ZFYVE16: variants seen among roughly 807,000 people sequenced by gnomAD.
The protein encoded by ZFYVE16 is zinc finger FYVE-type containing 16, also known as zinc finger FYVE domain-containing protein 16.
In ZFYVE16, 89 loss-of-function variants were observed where a neutral mutation model predicts 138.1. That is an observed-to-expected ratio of 0.64 (90% CI 0.54 to 0.77). The LOEUF is 0.77. ZFYVE16 is among the 30% of genes least tolerant of loss of function. The probability of loss-of-function intolerance (pLI) is 0.00; values close to 1 mark genes in which losing one functional copy is unlikely to be tolerated. For missense variants in ZFYVE16, 1,793 were observed against 1,786.7 expected (o/e 1.00, Z -0.06); for synonymous variants, 596 against 618.3 (o/e 0.96, Z 0.53).
intron 15 of ZFYVE16, among the ~76,000 whole-genome samples, chr5:80,466,040 C>G (rs1329462201): frequency 2.0e-5 from 3 of 151,964 alleles, no homozygotes; most frequent in Non-Finnish European, 2.9e-5. Flanking sequence ...ATTCTCTTGC[C>G]TCAGCTTCCT....
At chr5:80,409,184 A>G (rs988718702) in intron 1 of ZFYVE16, among the ~76,000 whole-genome samples, 1 of 151,926 alleles carries the variant, frequency 6.6e-6, no homozygotes, top group Non-Finnish European at 1.5e-5. Context: ...ATATCGTTGG[A>G]TTGTCTGCTT....
In ZFYVE16 at chr5:80,438,153, C is replaced by G. The variant is rs1223887193; in HGVS notation, c.1468C>G (p.Pro490Ala). 1 of 1,613,694 alleles carries G rather than the reference C, an allele frequency of 6.2e-7. No individual in the cohort carries two copies. The highest frequency in any genetic ancestry group is 1.1e-5 in the South Asian group (1 of 91,080). Residue 490 changes from proline to alanine, a missense_variant, in exon 4 of 19, where the codon CCA becomes GCA. Physicochemically the swap from Pro to Ala is conservative, Grantham distance 27. Coordinates refer to ENST00000505560, the MANE Select transcript of ZFYVE16 (RefSeq NM_001284236.3). Reference protein sequence around the residue: ...SQEGLSGTHVPESSDCCEGFI... With the variant: ...SQEGLSGTHVAESSDCCEGFI... ...AGAGGGGCTTTCTGGCACTCATGTC[C>G]CAGAGTCTTCTGATTGTTGTGAAGG...
intron 5 of ZFYVE16, chr5:80,441,964 T>C: frequency 1.0e-6 from 1 of 962,264 alleles, no homozygotes; most frequent in Non-Finnish European, 1.2e-6. Flanking sequence ...GAGAGCAAAA[T>C]AGAAGCTATA....
At chr5:80,467,281 A>G in intron 15 of ZFYVE16, among the ~76,000 whole-genome samples, 1 of 152,188 alleles carries the variant, frequency 6.6e-6, no homozygotes, top group East Asian at 1.9e-4. Context: ...GTCACATGCA[A>G]GTTGCAAATA....
At chr5:80,465,400 G>GTTTTTTTTTTTTTTTTTCTTTTTTTTTT (rs1753606074) in intron 15 of ZFYVE16, among the ~76,000 whole-genome samples, 1 of 26,780 alleles carries the variant, frequency 3.7e-5, no homozygotes, top group African/African-American at 1.0e-4. Context: ...CCTTTTCTTT[G>GTTTTTTTTTTTTTTTTTCTTTTTTTTTT]TTTTTTTTTT....
At position 80,481,146 on chromosome 5, in the gene ZFYVE16, T is replaced by C. The variant is rs144298112; in HGVS notation, c.*3769T>C. Among the ~76,000 whole-genome samples the C allele has an allele frequency of 7.2e-4, 110 of 152,250 alleles. No individual in the cohort carries two copies. The highest frequency in any genetic ancestry group is 2.5e-3 in the African/African-American group (102 of 41,552). ...TAATGACTTGGAACCTTCTGGACTT[T>C]CCTTGCTCTACATCAATCCCGCAGC... On this transcript the variant is annotated 3_prime_UTR_variant, in exon 19 of 19. Transcript: ENST00000505560.
intron 13 of ZFYVE16, 74 bp from the exon 14 acceptor site, chr5:80,456,871 A>G: frequency 2.0e-6 from 3 of 1,465,598 alleles, no homozygotes; most frequent in Non-Finnish European, 2.7e-6. Flanking sequence ...CTGGCCAGAA[A>G]CGTGGCTCTT....
intron 15 of ZFYVE16, among the ~76,000 whole-genome samples, chr5:80,472,435 T>C (rs1164934960): frequency 6.6e-6 from 1 of 151,928 alleles, no homozygotes; most frequent in Non-Finnish European, 1.5e-5. Flanking sequence ...ATCTCAGTAT[T>C]GCACTGCCTA....
chr5:80,463,035 G>A (rs1753300967), intron 15 of ZFYVE16, among the ~76,000 whole-genome samples: 1 of 152,190 alleles, frequency 6.6e-6, no homozygotes, highest in African/African-American at 2.4e-5. Context: ...TTCATGTGCT[G>A]GCATTGTCTG....
chr5:80,471,605 C>A (rs577873678), intron 15 of ZFYVE16, among the ~76,000 whole-genome samples: 8 of 152,132 alleles, frequency 5.3e-5, no homozygotes, highest in Non-Finnish European at 1.2e-4. Flanking sequence ...AGGCGGTGAC[C>A]CCCCGGACCC....
intron 10 of ZFYVE16, 122 bp from the exon 11 acceptor site, chr5:80,451,363 T>G: frequency 1.4e-6 from 1 of 707,784 alleles, no homozygotes; most frequent in Non-Finnish European, 2.3e-6. Flanking sequence ...CTTCAGACAG[T>G]TTATATTGGG....
intron 5 of ZFYVE16, chr5:80,440,969 C>T: frequency 1.0e-6 from 1 of 985,360 alleles, no homozygotes; most frequent in Non-Finnish European, 1.2e-6. Context: ...AGCTGCTTTT[C>T]TCCCTGCTGT....
At chr5:80,465,801 C>G (rs755903456) in intron 15 of ZFYVE16, among the ~76,000 whole-genome samples, 1 of 152,056 alleles carries the variant, frequency 6.6e-6, no homozygotes, top group Non-Finnish European at 1.5e-5. Context: ...TCATGACACT[C>G]TTTGTCATTC....
At chr5:80,441,788 G>T in intron 5 of ZFYVE16, 1 of 985,410 alleles carries the variant, frequency 1.0e-6, no homozygotes, top group Non-Finnish European at 1.2e-6. Flanking sequence ...TTTTATGAGT[G>T]CCATCATTCA....
chr5:80,417,720 T>C (rs1301158912), intron 1 of ZFYVE16, among the ~76,000 whole-genome samples: 1 of 152,242 alleles, frequency 6.6e-6, no homozygotes, highest in Non-Finnish European at 1.5e-5. Context: ...TCCAAATACC[T>C]AATGAAGTAC....
At chr5:80,409,278 A>C (rs914503465) in intron 1 of ZFYVE16, among the ~76,000 whole-genome samples, 1 of 152,198 alleles carries the variant, frequency 6.6e-6, no homozygotes, top group Non-Finnish European at 1.5e-5. Flanking sequence ...TACATGAGCA[A>C]AGTATCTTTT....
chr5:80,475,103 C>A (rs971302190), intron 18 of ZFYVE16, among the ~76,000 whole-genome samples: 2 of 152,150 alleles, frequency 1.3e-5, no homozygotes, highest in Admixed American at 1.3e-4. Flanking sequence ...GGGAAAGCAG[C>A]CATTCACAGT....
At position 80,438,704 on chromosome 5, in the gene ZFYVE16, A is replaced by G; in HGVS notation, c.2019A>G (p.Thr673=). 1.9e-6 allele frequency: 3 copies of G among 1,614,166 alleles called. No homozygotes were observed. Among genetic ancestry groups the G allele is most frequent in the Non-Finnish European group, 1.7e-6 (2 of 1,179,996 alleles). ...TGAATAAGCCAGATGTTCCAGATAC[A>G]ATAGAAAGTGAACCCAGCACAGCAG... ...KDLNKPDVPD[T]IESEPSTADT... The change falls in exon 4 of 19, where the codon ACA becomes ACG. Residue 673 remains threonine (T), a synonymous_variant. Transcript: ENST00000505560.
At chr5:80,440,399 T>C (rs779294261) in intron 5 of ZFYVE16, 16 of 991,006 alleles carry the variant, frequency 1.6e-5, no homozygotes, top group Non-Finnish European at 1.9e-5. Flanking sequence ...CTCAATATTA[T>C]GTATTAATAG....
Sources: allele counts gnomAD v4.1 joint callset (sites outside exome capture counted in the v4.1 genomes callset), GRCh38; gene constraint gnomAD v4.1.1; transcripts MANE v1.5; gene names NCBI Gene and HGNC (gene_info 2026-07-23, HGNC 2026-07-21).